SCIN: variants seen among roughly 807,000 people sequenced by gnomAD.
SCIN encodes the protein adseverin.
A neutral mutation model predicts 91.8 loss-of-function variants in SCIN; 91 were observed. That is an observed-to-expected ratio of 0.99 (90% CI 0.84 to 1.18). The LOEUF (loss-of-function observed/expected upper bound fraction) is 1.18, where lower values mean the gene tolerates loss of function less well. Among genes scored for constraint, SCIN ranks in the 50% most tolerant of loss-of-function variants. SCIN has a pLI of 0.00. For synonymous variants in SCIN, 367 were observed against 312.6 expected (o/e 1.17, Z -1.84); for missense variants, 1,087 against 863.9 (o/e 1.26, Z -3.24).
At chr7:12,625,190 C>A in intron 6 of SCIN, 48 bp downstream of exon 6, 1 of 1,483,692 alleles carries the variant, frequency 6.7e-7, no homozygotes, top group Non-Finnish European at 9.2e-7. Context: ...ATAGATATTT[C>A]CTCTATAAGG....
intron 3 of SCIN, among the ~76,000 whole-genome samples, chr7:12,598,404 C>A (rs555233870): frequency 6.6e-6 from 1 of 152,002 alleles, no homozygotes; most frequent in Non-Finnish European, 1.5e-5. Flanking sequence ...TTGGGCCGCA[C>A]AGTTTATTAA....
chr7:12,628,696 A>T (rs373901142), intron 8 of SCIN, among the ~76,000 whole-genome samples: 2 of 152,180 alleles, frequency 1.3e-5, no homozygotes, highest in East Asian at 3.8e-4. Context: ...ATAGTCCGCT[A>T]TCTTAAAGCA....
intron 3 of SCIN, among the ~76,000 whole-genome samples, chr7:12,584,098 G>C (rs1782540770): frequency 6.6e-6 from 1 of 152,130 alleles, no homozygotes; most frequent in East Asian, 1.9e-4. Flanking sequence ...TTAACCAGTT[G>C]GTATGTTGCC....
intron 4 of SCIN, among the ~76,000 whole-genome samples, chr7:12,605,585 T>G (rs903257241): frequency 5.9e-5 from 9 of 152,148 alleles, no homozygotes; most frequent in African/African-American, 1.9e-4. Context: ...GAAGATAAAT[T>G]TATACAATAT....
rs529888601 is a variant in SCIN at position 12,640,630 on chromosome 7, A to G, written c.1581+113A>G. The G allele has an allele frequency of 5.3e-6, 5 of 937,080 alleles. No homozygotes were observed. The African/African-American group carries it at 8.6e-5, about 16-fold the overall frequency. The allele number at this position is 937,080 out of a possible 1,614,324, so 58.0% of individuals were successfully genotyped here. A position where few individuals can be genotyped will look rare whatever the true frequency, so the allele number is the denominator to read the frequency against. On this transcript the variant is annotated intron_variant, in intron 11 of 15. Coordinates refer to ENST00000297029, the MANE Select transcript of SCIN (RefSeq NM_001112706.3). Reference sequence around the variant, plus strand: ...TGGCAAATAAACTCCCTTCATTCCTATAATTAATCCACTGTTCAAAATTTT... The same window carrying G: ...TGGCAAATAAACTCCCTTCATTCCTGTAATTAATCCACTGTTCAAAATTTT...
chr7:12,613,371 TAAAC>T (rs900256362), intron 4 of SCIN, among the ~76,000 whole-genome samples: 4 of 152,188 alleles, frequency 2.6e-5, no homozygotes, highest in Admixed American at 6.5e-5. Context: ...TATATAATAA[TAAAC>T]AATAGTATTT....
chr7:12,625,584 T>C (rs2190716), intron 6 of SCIN, among the ~76,000 whole-genome samples, 178 bp from the exon 7 acceptor site: 88,658 of 151,700 alleles, frequency 0.58, 26,406 homozygotes, highest in Admixed American at 0.69. Flanking sequence ...CTGCCTTGGC[T>C]TCCCAAAGTG....
At chr7:12,646,272 C>T (rs1405834968) in intron 13 of SCIN, among the ~76,000 whole-genome samples, 1 of 152,154 alleles carries the variant, frequency 6.6e-6, no homozygotes, top group Admixed American at 6.5e-5. Context: ...TTTCATGGTT[C>T]TGAAGGCTGA....
At chr7:12,612,299 T>C (rs1031695433) in intron 4 of SCIN, among the ~76,000 whole-genome samples, 3 of 152,172 alleles carry the variant, frequency 2.0e-5, no homozygotes, top group South Asian at 2.1e-4. Context: ...ATGAGAGTCA[T>C]TGGGAAAGAG....
intron 9 of SCIN, 40 bp downstream of exon 9, chr7:12,629,262 C>A (rs983621982): frequency 1.3e-6 from 2 of 1,569,396 alleles, no homozygotes; most frequent in Middle Eastern, 1.7e-4. Context: ...TCCACAGGAG[C>A]CAGATTTTGC....
chr7:12,626,568 T>G lies in SCIN; in HGVS notation c.982-16T>G. On this transcript the variant is annotated splice_polypyrimidine_tract_variant and intron_variant, in intron 7 of 15. Transcript: ENST00000297029. ...CTTATTTTCCTGTTTACTATTATTATTATTTTAAATTTCAGATTCAAGTTC... is the reference window on the plus strand; with the variant it reads ...CTTATTTTCCTGTTTACTATTATTAGTATTTTAAATTTCAGATTCAAGTTC... 1 of 1,490,568 alleles carries G rather than the reference T, an allele frequency of 6.7e-7. No homozygotes were observed. The highest frequency in any genetic ancestry group is 1.2e-5 in the South Asian group (1 of 80,874). 92.3% of individuals were successfully genotyped at this position (1,490,568 alleles called of 1,614,324 possible). A position where few individuals can be genotyped will look rare whatever the true frequency, so the allele number is the denominator to read the frequency against.
chr7:12,570,743 A>G lies in SCIN; in HGVS notation c.-44A>G. 1 of 1,540,260 alleles carries G rather than the reference A, an allele frequency of 6.5e-7. No individual in the cohort carries two copies. Among genetic ancestry groups the G allele is most frequent in the Non-Finnish European group, 8.8e-7 (1 of 1,141,666 alleles). The stretch of plus-strand genomic sequence containing the variant: ...CCTGCTGCTCTCGGTTTAGTCCAAG[A>G]TCAGCGATATCACGCGTCCCCCGGA... On this transcript the variant is annotated 5_prime_UTR_variant, in exon 1 of 16. Transcript: ENST00000297029.
chr7:12,577,392 T>C, intron 1 of SCIN: 1 of 346,636 alleles, frequency 2.9e-6, no homozygotes, highest in Admixed American at 4.0e-5. Context: ...AGATTTATCC[T>C]AATAAAGGCT....
intron 14 of SCIN, among the ~76,000 whole-genome samples, chr7:12,650,216 A>G (rs1775786102): frequency 6.6e-6 from 1 of 152,224 alleles, no homozygotes; most frequent in Admixed American, 6.5e-5. Flanking sequence ...CCCAATTAAT[A>G]AACCATTCAG....
intron 1 of SCIN, among the ~76,000 whole-genome samples, chr7:12,575,239 C>G (rs1394578036): frequency 7.3e-6 from 1 of 136,982 alleles, no homozygotes; most frequent in African/African-American, 2.7e-5. Context: ...GGAGAGTTTT[C>G]TTTTTTTTTT....
At chr7:12,644,478 A>T in intron 12 of SCIN, 106 bp from the exon 13 acceptor site, 1 of 1,497,822 alleles carries the variant, frequency 6.7e-7, no homozygotes, top group South Asian at 1.3e-5. Flanking sequence ...TTCTTTAAGT[A>T]ATTTCTCAAC....
chr7:12,644,605 G>C lies in SCIN; in HGVS notation c.1781G>C (p.Gly594Ala). ...ACAGAGGAGTTCTGGAATTCCCTTG[G>C]AGGGAAAAAAGACTACCAGACCTCA... Reference protein sequence around the residue: ...EEPEEFWNSLGGKKDYQTSPL... With the variant: ...EEPEEFWNSLAGKKDYQTSPL... Residue 594 changes from glycine (G) to alanine (A), a missense_variant, in exon 13 of 16, where the codon GGA becomes GCA. Transcript: ENST00000297029. 1.2e-6 allele frequency: 2 copies of C among 1,610,632 alleles called. No individual in the cohort carries two copies. The highest frequency in any genetic ancestry group is 1.7e-6 in the Non-Finnish European group (2 of 1,178,412).
rs1381695345 is a variant in SCIN at position 12,604,688 on chromosome 7, A to G, written c.666+25A>G. 4 of 1,545,476 alleles carry G rather than the reference A, an allele frequency of 2.6e-6. No homozygotes were observed. The South Asian group carries it at 4.8e-5, about 19-fold the overall frequency. Reference sequence around the variant, plus strand: ...GGTATTGTGACTCCTGTTGTTTGTTAAAGGGTTACCACTCCAACTCGTATG... The same window carrying G: ...GGTATTGTGACTCCTGTTGTTTGTTGAAGGGTTACCACTCCAACTCGTATG... On this transcript the variant is annotated intron_variant, in intron 4 of 15. Transcript: ENST00000297029.
chr7:12,595,007 A>G (rs1782810139), intron 3 of SCIN, among the ~76,000 whole-genome samples: 1 of 152,040 alleles, frequency 6.6e-6, no homozygotes, highest in African/African-American at 2.4e-5. Context: ...AGGTTCGGGA[A>G]GGGGAGGTTG....
Sources: gnomAD v4.1 joint callset for allele counts (sites outside exome capture counted in the v4.1 genomes callset) on GRCh38, gnomAD v4.1.1 for gene constraint, MANE v1.5 for transcripts, NCBI Gene and HGNC (gene_info 2026-07-23, HGNC 2026-07-21) for gene names.